The following TAF3 variants were observed in gnomAD, a reference collection of about 807,000 sequenced individuals.
TAF3 encodes the protein TATA-box binding protein associated factor 3.
In TAF3, 7 loss-of-function variants were observed where a neutral mutation model predicts 80.6. The observed-to-expected ratio is 0.09, with a 90% CI of 0.05 to 0.16. TAF3 has a LOEUF of 0.16. TAF3 is among the 10% of genes least tolerant of loss of function. TAF3 has a pLI of 1.00. For missense variants in TAF3, 921 were observed against 1,140.2 expected, an observed-to-expected ratio of 0.81 and a Z score of 2.77; for synonymous variants, 444 against 446.1, an observed-to-expected ratio of 1.00 and a Z score of 0.06.
At chr10:7,939,577 T>TACACACACACACACAC (rs71385681) in intron 2 of TAF3, among the ~76,000 whole-genome samples, 6 of 139,204 alleles carry the variant, frequency 4.3e-5, no homozygotes, top group Non-Finnish European at 6.2e-5. Context: ...AGAAGAAAAC[T>TACACACACACACACAC]ACACACACAC....
intron 4 of TAF3, among the ~76,000 whole-genome samples, chr10:7,982,084 G>T (rs1831731948): frequency 6.6e-6 from 1 of 152,148 alleles, no homozygotes. Context: ...ACATTCAACA[G>T]AGTGAAGCTT....
chr10:7,986,946 G>C (rs1049503332), intron 4 of TAF3, among the ~76,000 whole-genome samples: 2 of 152,178 alleles, frequency 1.3e-5, no homozygotes, highest in East Asian at 3.8e-4. Context: ...AACCTAGAAA[G>C]CAGAAGTTTC....
chr10:7,925,413 A>G (rs1222100914), intron 2 of TAF3, among the ~76,000 whole-genome samples: 1 of 152,240 alleles, frequency 6.6e-6, no homozygotes, highest in African/African-American at 2.4e-5. Flanking sequence ...TCCTGATGAC[A>G]ATGGTAATAT....
At chr10:7,910,919 A>G (rs1044418457) in intron 2 of TAF3, among the ~76,000 whole-genome samples, 1 of 152,222 alleles carries the variant, frequency 6.6e-6, no homozygotes, top group African/African-American at 2.4e-5. Flanking sequence ...AATGCAAACA[A>G]ATAGTATCTG....
chr10:7,865,224 C>T (rs1337977676), intron 2 of TAF3, among the ~76,000 whole-genome samples: 10 of 152,028 alleles, frequency 6.6e-5, no homozygotes, highest in Admixed American at 6.5e-5. Flanking sequence ...TCCCAGCACT[C>T]TGGGAGGCCG....
At chr10:7,874,551 G>GC (rs1564353687) in intron 2 of TAF3, among the ~76,000 whole-genome samples, 1 of 151,844 alleles carries the variant, frequency 6.6e-6, no homozygotes, top group African/African-American at 2.4e-5. Context: ...ATATAAATAA[G>GC]CTCTATAAGC....
chr10:7,978,651 C>A (rs1831695679), intron 4 of TAF3, among the ~76,000 whole-genome samples: 1 of 152,196 alleles, frequency 6.6e-6, no homozygotes, highest in Non-Finnish European at 1.5e-5. Context: ...CATCCCTTAA[C>A]CAGTAGAGCT....
chr10:7,932,669 ATTTTTTTTTTTTT>A lies in TAF3; in HGVS notation c.410-31238_410-31226del, dbSNP rs34907761. ...CTGACGTTGATTTATGTTCCACTTA[ATTTTTTTTTTTTT>A]TTTTTTTTTTTTGGAGAGAGGGTCT... On this transcript the variant is annotated intron_variant, in intron 2 of 6. Coordinates refer to ENST00000344293, the MANE Select transcript of TAF3 (RefSeq NM_031923.4). Among the ~76,000 whole-genome samples the A allele has an allele frequency of 6.0e-4, 47 of 78,822 alleles. 1 individual carries two copies. The South Asian group carries it at 0.014, about 23-fold the overall frequency. 51.7% of individuals were successfully genotyped at this position (78,822 alleles called of 152,430 possible).
At chr10:7,905,718 A>G (rs1030797462) in intron 2 of TAF3, among the ~76,000 whole-genome samples, 5 of 152,104 alleles carry the variant, frequency 3.3e-5, no homozygotes, top group Admixed American at 2.0e-4. Context: ...CGTCTCTACT[A>G]AAAATACAAA....
chr10:7,969,120 A>T (rs991756550), intron 3 of TAF3, among the ~76,000 whole-genome samples: 10 of 150,968 alleles, frequency 6.6e-5, no homozygotes, highest in Non-Finnish European at 1.3e-4. Context: ...CCCAGGCAAC[A>T]TAGTGAGACT....
intron 4 of TAF3, among the ~76,000 whole-genome samples, chr10:7,984,529 T>C (rs535969848): frequency 3.7e-4 from 57 of 152,356 alleles, no homozygotes; most frequent in African/African-American, 1.3e-3. Flanking sequence ...TAAATCTAGC[T>C]TATCTTGAGT....
At chr10:7,843,716 T>C (rs1836941817) in intron 2 of TAF3, among the ~76,000 whole-genome samples, 1 of 151,834 alleles carries the variant, frequency 6.6e-6, no homozygotes, top group Non-Finnish European at 1.5e-5. Context: ...TATTTTGTGC[T>C]TATGTCACAC....
rs543625659 is a variant in TAF3, at chr10:8,009,811, C to T, written c.2568+481C>T. ...CAATTTTTTGTATTTTTAGTAGAAACGGTTTCACCGTGTTAGCCAGGCTGG... is the reference window on the plus strand; with the variant it reads ...CAATTTTTTGTATTTTTAGTAGAAATGGTTTCACCGTGTTAGCCAGGCTGG... On this transcript the variant is annotated intron_variant, in intron 5 of 6. Transcript: ENST00000344293. This position sits in a 1 kb window ranked among gnomAD's most constrained non-coding sequence, Gnocchi z 4.1. Among the ~76,000 whole-genome samples the T allele has an allele frequency of 1.1e-4, 16 of 152,004 alleles. No individual in the cohort carries two copies. The highest frequency in any genetic ancestry group is 3.6e-4 in the African/African-American group (15 of 41,466).
intron 2 of TAF3, among the ~76,000 whole-genome samples, chr10:7,878,418 G>A (rs1284192375): frequency 1.3e-5 from 2 of 152,162 alleles, no homozygotes. Flanking sequence ...AAGACTGGCT[G>A]TGGTTGCCTT....
intron 2 of TAF3, among the ~76,000 whole-genome samples, chr10:7,870,026 T>A (rs569245342): frequency 6.6e-6 from 1 of 152,326 alleles, no homozygotes. Context: ...GGTGAGCATC[T>A]TTAAAAAAAT....
At chr10:7,886,858 GA>G (rs1837412998) in intron 2 of TAF3, among the ~76,000 whole-genome samples, 1 of 152,102 alleles carries the variant, frequency 6.6e-6, no homozygotes, top group African/African-American at 2.4e-5. Flanking sequence ...GACTAATCTT[GA>G]ATTGGAAAAA....
intron 2 of TAF3, among the ~76,000 whole-genome samples, chr10:7,877,028 CTTT>C (rs34794475): frequency 6.9e-6 from 1 of 145,418 alleles, no homozygotes. Flanking sequence ...CTGCTCACTA[CTTT>C]TTTTTTTTTT....
chr10:7,993,179 C>G (rs896645445), intron 4 of TAF3, among the ~76,000 whole-genome samples: 1 of 152,126 alleles, frequency 6.6e-6, no homozygotes, highest in Admixed American at 6.6e-5. Context: ...CGCTCCTCCT[C>G]CTTTTTTGCA....
intron 2 of TAF3, among the ~76,000 whole-genome samples, chr10:7,870,691 C>G (rs779465874): frequency 6.6e-6 from 1 of 151,942 alleles, no homozygotes; most frequent in Non-Finnish European, 1.5e-5. Flanking sequence ...CTTCTGAGTT[C>G]GCCTTCCTTC....
Sources: gnomAD v4.1 joint callset for allele counts (sites outside exome capture counted in the v4.1 genomes callset) on GRCh38, gnomAD v4.1.1 for gene constraint, Gnocchi (gnomAD v3.1) non-coding constraint, MANE v1.5 for transcripts, NCBI Gene and HGNC (gene_info 2026-07-23, HGNC 2026-07-21) for gene names.